The following WDSUB1 variants were observed in gnomAD, a reference collection of about 807,000 sequenced individuals.
WDSUB1 encodes WD repeat, sterile alpha motif and U-box domain containing 1.
WDSUB1 carries 49 observed loss-of-function variants against 53.9 expected under a neutral mutation model. That is an observed-to-expected ratio of 0.91 (90% confidence interval 0.72 to 1.15). The LOEUF (loss-of-function observed/expected upper bound fraction) is 1.15. WDSUB1 is among the 50% of genes most tolerant of loss of function. WDSUB1 has a pLI of 0.00. For missense variants in WDSUB1, 514 were observed against 562.0 expected, an observed-to-expected ratio of 0.91 and a Z score of 0.86; for synonymous variants, 194 against 200.6, an observed-to-expected ratio of 0.97 and a Z score of 0.28.
intron 4 of WDSUB1, 45 bp from the exon 5 acceptor site, chr2:159,271,840 A>G: frequency 6.7e-7 from 1 of 1,502,872 alleles, no homozygotes; most frequent in Non-Finnish European, 9.2e-7. Context: ...GACCATGCTT[A>G]GAATTGATTT....
intron 6 of WDSUB1, 150 bp downstream of exon 6, chr2:159,259,660 C>T (rs1476988554): frequency 1.8e-5 from 15 of 836,980 alleles, no homozygotes; most frequent in South Asian, 7.2e-5. Flanking sequence ...ATCTTACTTG[C>T]GTAACTATTT....
rs1558855684 is a variant in WDSUB1 at position 159,261,867 on chromosome 2, TA to T, written c.771-2025del. The stretch of plus-strand genomic sequence containing the variant: ...AAACTCATATATATATATATATATA[TA>T]TATATATATATATATATATATATAT... On this transcript the variant is annotated intron_variant, in intron 5 of 10. Transcript: ENST00000359774. 3.1e-3 allele frequency among the ~76,000 whole-genome samples: 30 copies of T among 9,758 alleles called. 1 individual carries two copies. The highest frequency in any genetic ancestry group is 5.7e-3 in the Admixed American group (4 of 706). The allele number at this position is 9,758 out of a possible 152,430, so 6.4% of individuals were successfully genotyped here.
chr2:159,254,401 A>C (rs866985662), intron 9 of WDSUB1, among the ~76,000 whole-genome samples: 2 of 152,164 alleles, frequency 1.3e-5, no homozygotes, highest in African/African-American at 4.8e-5. Context: ...CTCTACAAAT[A>C]ATTTTAAAAA....
chr2:159,277,577 T>C (rs1219213304), intron 3 of WDSUB1, among the ~76,000 whole-genome samples: 2 of 152,214 alleles, frequency 1.3e-5, no homozygotes, highest in African/African-American at 4.8e-5. Context: ...ACCTACACTT[T>C]ATCATTTAAA....
chr2:159,281,997 T>C (rs2061674828), intron 2 of WDSUB1, among the ~76,000 whole-genome samples: 1 of 151,648 alleles, frequency 6.6e-6, no homozygotes, highest in African/African-American at 2.4e-5. Flanking sequence ...AGAAAACACT[T>C]AAACCACAAG....
chr2:159,257,988 G>A lies in WDSUB1; in HGVS notation c.805-3C>T, dbSNP rs751441219. 1.1e-5 allele frequency: 17 copies of A among 1,611,874 alleles called. 1 individual carries two copies. The South Asian group carries it at 1.8e-4, about 17-fold the overall frequency. On this transcript the variant is annotated splice_polypyrimidine_tract_variant and splice_region_variant and intron_variant, in intron 6 of 10. Transcript: ENST00000359774. ...GTGTGAAGTATATTCTCAGTATTCT[G>A]AAAAACAATAAAAACAGCTTTAAAT... is the stretch of plus-strand genomic sequence containing the variant.
intron 3 of WDSUB1, among the ~76,000 whole-genome samples, chr2:159,276,097 T>A (rs2061536166): frequency 6.6e-6 from 1 of 151,574 alleles, no homozygotes; most frequent in Admixed American, 6.6e-5. Flanking sequence ...CTCGCTCTGA[T>A]GCCCAGGCTG....
At chr2:159,250,620 A>G (rs2060929948) in intron 9 of WDSUB1, among the ~76,000 whole-genome samples, 1 of 152,206 alleles carries the variant, frequency 6.6e-6, no homozygotes, top group African/African-American at 2.4e-5. Flanking sequence ...TGTGTTTTCC[A>G]AGGGTTAGCT....
intron 10 of WDSUB1, among the ~76,000 whole-genome samples, chr2:159,241,108 T>C (rs1461492230): frequency 6.6e-6 from 1 of 152,110 alleles, no homozygotes; most frequent in Non-Finnish European, 1.5e-5. Context: ...CCCAACACGG[T>C]GAAGGCTCTA....
At chr2:159,269,535 T>C (rs1256057142) in intron 5 of WDSUB1, among the ~76,000 whole-genome samples, 1 of 152,230 alleles carries the variant, frequency 6.6e-6, no homozygotes, top group African/African-American at 2.4e-5. Context: ...GAAACTCATA[T>C]GTAGATACAA....
At chr2:159,273,577 C>T (rs1435506015) in intron 4 of WDSUB1, among the ~76,000 whole-genome samples, 2 of 152,064 alleles carry the variant, frequency 1.3e-5, no homozygotes, top group Non-Finnish European at 2.9e-5. Flanking sequence ...TGCACTACCA[C>T]ACCTGGCTAA....
intron 10 of WDSUB1, among the ~76,000 whole-genome samples, chr2:159,247,936 TATATATAAA>T (rs1559532368): frequency 1.1e-5 from 1 of 92,960 alleles, no homozygotes; most frequent in African/African-American, 6.3e-5. Context: ...TAAATATATA[TATATATAAA>T]ATTTGGATTC....
At position 159,248,449 on chromosome 2, in the gene WDSUB1, G is replaced by T; in HGVS notation, c.1196C>A (p.Ser399Tyr). The T allele has an allele frequency of 6.2e-7, 1 of 1,604,290 alleles. No homozygotes were observed. The highest frequency in any genetic ancestry group is 8.5e-7 in the Non-Finnish European group (1 of 1,176,690). Reference sequence around the variant, plus strand: ...TTCATCAGGAATTCCTGAAGAAAGGGATTTAACCTTGGTCCTGAGCTCTTC... The same window carrying T: ...TTCATCAGGAATTCCTGAAGAAAGGTATTTAACCTTGGTCCTGAGCTCTTC... ...KIEELRTKVKSLSSGIPDEFI... is the reference protein window; with the variant it reads ...KIEELRTKVKYLSSGIPDEFI... The change falls in exon 10 of 11, where the codon TCC becomes TAC. Residue 399 changes from serine (S) to tyrosine (Y), a missense_variant. Transcript: ENST00000359774.
chr2:159,272,979 C>T (rs186160939), intron 4 of WDSUB1, among the ~76,000 whole-genome samples: 366 of 152,210 alleles, frequency 2.4e-3, no homozygotes, highest in Middle Eastern at 0.024. Context: ...AAAGGAAATA[C>T]ACGAGGGAAA....
At chr2:159,257,673 C>T in intron 8 of WDSUB1, 85 bp downstream of exon 8, 2 of 1,194,540 alleles carry the variant, frequency 1.7e-6, no homozygotes, top group Non-Finnish European at 2.4e-6. Context: ...CAGGTGTGAG[C>T]CGCGGTGCCC....
intron 3 of WDSUB1, among the ~76,000 whole-genome samples, chr2:159,277,369 TA>T (rs2061564825): frequency 1.3e-5 from 2 of 152,252 alleles, no homozygotes; most frequent in Non-Finnish European, 2.9e-5. Flanking sequence ...ATTTCTGTAT[TA>T]GACCTAATTA....
chr2:159,266,311 C>A (rs1170118162), intron 5 of WDSUB1, among the ~76,000 whole-genome samples: 1 of 152,042 alleles, frequency 6.6e-6, no homozygotes, highest in African/African-American at 2.4e-5. Context: ...GCCTCAGCCT[C>A]CCGAGTAGCT....
intron 9 of WDSUB1, among the ~76,000 whole-genome samples, chr2:159,252,131 T>G (rs2060963265): frequency 8.7e-6 from 1 of 115,440 alleles, no homozygotes. Flanking sequence ...AAAAATCTGC[T>G]TTTTAAAAAT....
intron 10 of WDSUB1, among the ~76,000 whole-genome samples, chr2:159,240,121 G>A (rs1439345294): frequency 6.6e-6 from 1 of 152,046 alleles, no homozygotes; most frequent in Admixed American, 6.6e-5. Flanking sequence ...GCCTGTTTTG[G>A]GCATTTCATA....
Sources: gnomAD v4.1 joint callset for allele counts (sites outside exome capture counted in the v4.1 genomes callset) on GRCh38, gnomAD v4.1.1 for gene constraint, MANE v1.5 for transcripts, NCBI Gene and HGNC (gene_info 2026-07-23, HGNC 2026-07-21) for gene names.